Variants in NPSR1 observed in about 807,000 individuals in gnomAD.
NPSR1 encodes the protein neuropeptide S receptor.
A neutral mutation model predicts 46.9 loss-of-function variants in NPSR1; 48 were observed. That is an observed-to-expected ratio of 1.02 (90% CI 0.81 to 1.30). NPSR1 has a LOEUF of 1.30. Among genes scored for constraint, NPSR1 ranks in the 50% most tolerant of loss-of-function variants. NPSR1 has a pLI of 0.00. For synonymous variants in NPSR1, 176 were observed against 168.1 expected, an observed-to-expected ratio of 1.05 and a Z score of -0.36; for missense variants, 450 against 449.5, an observed-to-expected ratio of 1.00 and a Z score of -0.01.
intron 2 of NPSR1, among the ~76,000 whole-genome samples, chr7:34,705,108 G>A (rs1460603728): frequency 3.3e-5 from 5 of 152,066 alleles, no homozygotes. Context: ...ACGTATGATA[G>A]ATGACTAAAA....
intron 2 of NPSR1, among the ~76,000 whole-genome samples, chr7:34,748,564 G>C (rs324398): frequency 0.74 from 112,282 of 152,092 alleles, 42,659 homozygotes; most frequent in African/African-American, 0.93. Context: ...CCATACAACC[G>C]GGAATTCCTA....
At chr7:34,821,959 CAG>C (rs987455975) in intron 4 of NPSR1, among the ~76,000 whole-genome samples, 11 of 152,142 alleles carry the variant, frequency 7.2e-5, no homozygotes, top group Non-Finnish European at 1.2e-4. Context: ...AATCTAAAAA[CAG>C]GGGGAGACCT....
intron 2 of NPSR1, among the ~76,000 whole-genome samples, chr7:34,725,154 G>A (rs1014135866): frequency 2.0e-5 from 3 of 150,284 alleles, no homozygotes; most frequent in Admixed American, 2.0e-4. Context: ...CACACACACA[G>A]AGCTCTCAGA....
chr7:34,874,369 A>G (rs1449058313), intron 8 of NPSR1, among the ~76,000 whole-genome samples: 2 of 152,148 alleles, frequency 1.3e-5, no homozygotes, highest in Non-Finnish European at 2.9e-5. Context: ...ACATTACCCT[A>G]AGATTCACCC....
At chr7:34,762,212 C>T (rs1489392327) in intron 2 of NPSR1, among the ~76,000 whole-genome samples, 1 of 152,090 alleles carries the variant, frequency 6.6e-6, no homozygotes, top group Non-Finnish European at 1.5e-5. Context: ...GAAGAGAGTG[C>T]TCTAATGAGA....
intron 1 of NPSR1, among the ~76,000 whole-genome samples, chr7:34,667,035 G>C (rs1290678022): frequency 6.6e-6 from 1 of 152,140 alleles, no homozygotes; most frequent in African/African-American, 2.4e-5. Context: ...GAAAACATCA[G>C]CTCAAAAAAC....
intron 2 of NPSR1, among the ~76,000 whole-genome samples, chr7:34,775,726 C>A (rs1308827681): frequency 6.6e-6 from 1 of 152,014 alleles, no homozygotes; most frequent in Non-Finnish European, 1.5e-5. Flanking sequence ...ATCTCAATTT[C>A]ATTTATTTCT....
At chr7:34,758,852 A>G (rs754895920) in intron 2 of NPSR1, among the ~76,000 whole-genome samples, 2 of 152,204 alleles carry the variant, frequency 1.3e-5, no homozygotes, top group African/African-American at 2.4e-5. Context: ...CGAATCATGT[A>G]TTGTATTCAG....
At chr7:34,827,354 A>G (rs1438733102) in intron 4 of NPSR1, 47 bp from the exon 5 acceptor site, 1 of 1,575,238 alleles carries the variant, frequency 6.3e-7, no homozygotes, top group South Asian at 1.1e-5. Context: ...TGTGCTCCCA[A>G]AAATGGTTGC....
chr7:34,867,710 G>A (rs1433732139), intron 8 of NPSR1, among the ~76,000 whole-genome samples: 1 of 151,842 alleles, frequency 6.6e-6, no homozygotes, highest in African/African-American at 2.4e-5. Flanking sequence ...TAGAACTATT[G>A]CTTCCTTAAG....
At chr7:34,774,527 A>T (rs940417520) in intron 2 of NPSR1, among the ~76,000 whole-genome samples, 2 of 152,202 alleles carry the variant, frequency 1.3e-5, no homozygotes, top group Admixed American at 1.3e-4. Context: ...GTGCCCCATT[A>T]TCAGCTGTTC....
intron 2 of NPSR1, among the ~76,000 whole-genome samples, chr7:34,735,679 T>G (rs58783745): frequency 0.012 from 1,777 of 152,336 alleles, 34 homozygotes; most frequent in African/African-American, 0.04. Context: ...GTTCATTTCT[T>G]TGAAACAGTA....
chr7:34,739,191 G>A (rs536680265), intron 2 of NPSR1, among the ~76,000 whole-genome samples: 1 of 152,268 alleles, frequency 6.6e-6, no homozygotes, highest in East Asian at 1.9e-4. Flanking sequence ...GAATGATGCT[G>A]CTATTAACAA....
chr7:34,799,161 T>C (rs1012478521), intron 3 of NPSR1, among the ~76,000 whole-genome samples: 4 of 152,178 alleles, frequency 2.6e-5, no homozygotes, highest in Non-Finnish European at 5.9e-5. Flanking sequence ...AGAGTAAGTA[T>C]GTGAGGTAAT....
At chr7:34,870,903 A>G (rs56032911) in intron 8 of NPSR1, among the ~76,000 whole-genome samples, 6,132 of 120,926 alleles carry the variant, frequency 0.051, 598 homozygotes, top group African/African-American at 0.19. Context: ...TGGATGGATG[A>G]ATGGATGGAT....
intron 8 of NPSR1, chr7:34,849,303 C>T (rs1211025165): frequency 3.3e-6 from 5 of 1,495,152 alleles, no homozygotes; most frequent in Non-Finnish European, 4.6e-6. Context: ...TAAACCTCAG[C>T]TTCTTCATCT....
rs978493565 is a variant in NPSR1, at chr7:34,766,721, A to T, written c.281-11741A>T. 2.0e-5 allele frequency among the ~76,000 whole-genome samples: 3 copies of T among 151,756 alleles called. 1 individual carries two copies. The highest frequency in any genetic ancestry group is 4.8e-5 in the African/African-American group (2 of 41,326). On this transcript the variant is annotated intron_variant, in intron 2 of 8. Transcript: ENST00000360581. Reference sequence around the variant, plus strand: ...CCGAGTAGCTGGGATTACAGGCGCCAGCCACCACGCCCGGCTAATTTTTTT... The same window carrying T: ...CCGAGTAGCTGGGATTACAGGCGCCTGCCACCACGCCCGGCTAATTTTTTT...
In NPSR1 at chr7:34,837,473, T is replaced by C. The variant is rs371566180; in HGVS notation, c.757+3013T>C. Among the ~76,000 whole-genome samples the C allele has an allele frequency of 3.3e-5, 5 of 152,328 alleles. No individual in the cohort carries two copies. The East Asian group carries it at 5.8e-4, about 18-fold the overall frequency. On this transcript the variant is annotated intron_variant, in intron 6 of 8. Transcript: ENST00000360581. ...AGGTCCTTTCCTTGTGTTCTTCCCTTTAACTCATTTCCTGTTTGCCCCATT... is the reference window on the plus strand; with the variant it reads ...AGGTCCTTTCCTTGTGTTCTTCCCTCTAACTCATTTCCTGTTTGCCCCATT...
chr7:34,783,443 T>C (rs1283183695), intron 3 of NPSR1, among the ~76,000 whole-genome samples: 2 of 152,070 alleles, frequency 1.3e-5, no homozygotes, highest in Non-Finnish European at 2.9e-5. Flanking sequence ...ATGATTTAAT[T>C]ACCTCCCACT....
Sources: gnomAD v4.1 joint callset for allele counts (sites outside exome capture counted in the v4.1 genomes callset) on GRCh38, gnomAD v4.1.1 for gene constraint, MANE v1.5 for transcripts, NCBI Gene and HGNC (gene_info 2026-07-23, HGNC 2026-07-21) for gene names.